GIGYF2: variants seen among roughly 807,000 people sequenced by gnomAD.
GIGYF2 encodes the protein GRB10 interacting GYF protein 2, also known as GRB10-interacting GYF protein 2.
Under a neutral mutation model 208.1 loss-of-function variants are expected in GIGYF2, and 25 were observed. That is an observed-to-expected ratio of 0.12 (90% CI 0.09 to 0.17). GIGYF2 has a LOEUF of 0.17. Ranked by LOEUF, GIGYF2 falls within the 10% of genes least tolerant of loss-of-function variation. GIGYF2 has a pLI of 1.00. For synonymous variants in GIGYF2, 534 were observed against 543.8 expected (o/e 0.98, Z 0.25); for missense variants, 1,302 against 1,579.4 (o/e 0.82, Z 2.98).
intron 14 of GIGYF2, among the ~76,000 whole-genome samples, chr2:232,797,732 A>T (rs541069662): frequency 6.6e-6 from 1 of 152,072 alleles, no homozygotes; most frequent in South Asian, 2.1e-4. Context: ...CTGTAATCCC[A>T]GCATTTGGAA....
intron 8 of GIGYF2, among the ~76,000 whole-genome samples, chr2:232,783,654 TTTTG>T (rs1253203154): frequency 1.3e-5 from 2 of 151,222 alleles, no homozygotes; most frequent in Non-Finnish European, 2.9e-5. Context: ...ATTTCTTTTT[TTTTG>T]TTTGTTTACT....
At chr2:232,837,440 A>G (rs1459992255) in intron 22 of GIGYF2, among the ~76,000 whole-genome samples, 1 of 152,274 alleles carries the variant, frequency 6.6e-6, no homozygotes, top group Non-Finnish European at 1.5e-5. Context: ...GTATGCCCTT[A>G]GGAGTATTTC....
chr2:232,831,415 G>GT (rs1701421955), intron 21 of GIGYF2, among the ~76,000 whole-genome samples: 2 of 152,184 alleles, frequency 1.3e-5, no homozygotes, highest in African/African-American at 4.8e-5. Context: ...AACATGTTTA[G>GT]TTAATGTACT....
intron 2 of GIGYF2, among the ~76,000 whole-genome samples, chr2:232,712,143 ATTG>A (rs1238783333): frequency 6.6e-6 from 1 of 152,070 alleles, no homozygotes; most frequent in Non-Finnish European, 1.5e-5. Context: ...GGTACTCTGA[ATTG>A]TTTTTGTTGA....
At chr2:232,794,543 T>C (rs1700166415) in intron 12 of GIGYF2, among the ~76,000 whole-genome samples, 1 of 152,208 alleles carries the variant, frequency 6.6e-6, no homozygotes, top group Admixed American at 6.5e-5. Flanking sequence ...ACCTTTTAAC[T>C]CTTACCTTTT....
intron 1 of GIGYF2, among the ~76,000 whole-genome samples, chr2:232,703,015 G>A (rs1236661690): frequency 6.6e-6 from 1 of 152,090 alleles, no homozygotes; most frequent in Non-Finnish European, 1.5e-5. Flanking sequence ...TTGAATTCGT[G>A]GGCTCAATCG....
In GIGYF2 at chr2:232,822,464, C is replaced by T. The variant is rs547843529; in HGVS notation, c.2529+2479C>T. Among the ~76,000 whole-genome samples, 18 of 152,294 alleles carry T rather than the reference C, an allele frequency of 1.2e-4. No homozygotes were observed. In the South Asian group the frequency reaches 3.7e-3, roughly 32 times the overall value. On this transcript the variant is annotated intron_variant, in intron 21 of 28. Transcript: ENST00000373563. ...TTGGGAGGCCAAGGCGGGCAGATCA[C>T]GAAGTCAGGAGTTCGAGACCAGCCT... is the stretch of plus-strand genomic sequence containing the variant.
intron 8 of GIGYF2, among the ~76,000 whole-genome samples, chr2:232,782,350 A>T (rs1433409098): frequency 6.6e-6 from 1 of 152,190 alleles, no homozygotes; most frequent in Non-Finnish European, 1.5e-5. Flanking sequence ...GGCGTGAGCC[A>T]CCATGCCTGG....
At chr2:232,847,712 A>C (rs1226676205) in intron 27 of GIGYF2, 141 bp downstream of exon 27, 1 of 1,172,470 alleles carries the variant, frequency 8.5e-7, no homozygotes, top group Non-Finnish European at 1.2e-6. Context: ...TATACTTCAT[A>C]TTTTCAAATT....
At position 232,772,794 on chromosome 2, in the gene GIGYF2, TC is replaced by T. The variant is rs1699323001; in HGVS notation, c.532+11360del. On this transcript the variant is annotated intron_variant, in intron 8 of 28. Coordinates refer to ENST00000373563, the MANE Select transcript of GIGYF2 (RefSeq NM_001103146.3). ...CCCTTGAGAGTGCTGCATACCCACT[TC>T]CTGCCTTTTAATGGGGCTTGAGAAG... Among the ~76,000 whole-genome samples, 3 of 152,296 alleles carry T rather than the reference TC, an allele frequency of 2.0e-5. No homozygotes were observed. In the South Asian group the frequency reaches 6.2e-4, roughly 32 times the overall value.
intron 8 of GIGYF2, among the ~76,000 whole-genome samples, chr2:232,763,550 C>T (rs2106328422): frequency 6.6e-6 from 1 of 152,170 alleles, no homozygotes; most frequent in East Asian, 1.9e-4. Context: ...TGAGGCTGGG[C>T]ACAGTGGCTC....
At chr2:232,709,096 T>C (rs1696265131) in intron 2 of GIGYF2, among the ~76,000 whole-genome samples, 1 of 152,174 alleles carries the variant, frequency 6.6e-6, no homozygotes, top group South Asian at 2.1e-4. Flanking sequence ...CACTCCAGTC[T>C]GGGTGACAGA....
At chr2:232,705,032 TG>T (rs1233534728) in intron 2 of GIGYF2, among the ~76,000 whole-genome samples, 1 of 151,078 alleles carries the variant, frequency 6.6e-6, no homozygotes, top group Non-Finnish European at 1.5e-5. Context: ...GCCAATTTTT[TG>T]TATTTTCAGT....
intron 8 of GIGYF2, among the ~76,000 whole-genome samples, chr2:232,761,753 T>C (rs1222480295): frequency 3.9e-5 from 6 of 152,068 alleles, no homozygotes; most frequent in Non-Finnish European, 8.8e-5. Context: ...GGGCAAATGC[T>C]AAAATCTTTG....
chr2:232,835,437 G>A (rs1431727356), intron 22 of GIGYF2, among the ~76,000 whole-genome samples: 1 of 152,078 alleles, frequency 6.6e-6, no homozygotes, highest in African/African-American at 2.4e-5. Flanking sequence ...CGAAGTCTTT[G>A]TGAAATCTGA....
chr2:232,800,259 T>A (rs1226651012), intron 14 of GIGYF2, among the ~76,000 whole-genome samples: 1 of 152,234 alleles, frequency 6.6e-6, no homozygotes, highest in Non-Finnish European at 1.5e-5. Context: ...TTTACAGATT[T>A]AGGTCATGCA....
chr2:232,806,887 G>C lies in GIGYF2; in HGVS notation c.1806+230G>C, dbSNP rs1700577747. The stretch of plus-strand genomic sequence containing the variant: ...TTCACACCCCAGCTCCTCCCCAACA[G>C]GGAAACGGAATCCTTCAGTAGCATT... On this transcript the variant is annotated intron_variant, in intron 15 of 28. Transcript: ENST00000373563. The surrounding 1 kb of genome is among the most constrained non-coding windows in gnomAD (Gnocchi z 4.0). 1.3e-5 allele frequency among the ~76,000 whole-genome samples: 2 copies of C among 152,154 alleles called. No individual in the cohort carries two copies. Among genetic ancestry groups the C allele is most frequent in the Non-Finnish European group, 2.9e-5 (2 of 68,014 alleles).
chr2:232,836,335 T>A (rs12988302), intron 22 of GIGYF2, among the ~76,000 whole-genome samples: 2,287 of 43,118 alleles, frequency 0.053, 222 homozygotes, highest in Non-Finnish European at 0.073. Flanking sequence ...TATATACATA[T>A]ATATACTTAT....
intron 9 of GIGYF2, among the ~76,000 whole-genome samples, chr2:232,787,876 T>C (rs2106361005): frequency 6.6e-6 from 1 of 152,386 alleles, no homozygotes; most frequent in African/African-American, 2.4e-5. Context: ...TAGTAGTGAT[T>C]AGTGGCTTTT....
Sources: allele counts gnomAD v4.1 joint callset (sites outside exome capture counted in the v4.1 genomes callset), GRCh38; gene constraint gnomAD v4.1.1; non-coding constraint Gnocchi (gnomAD v3.1); transcripts MANE v1.5; gene names NCBI Gene and HGNC (gene_info 2026-07-23, HGNC 2026-07-21).